The following PPP1R14C variants were observed in gnomAD, a reference collection of about 807,000 sequenced individuals.
PPP1R14C encodes protein phosphatase 1 regulatory inhibitor subunit 14C, also known as protein phosphatase 1 regulatory subunit 14C.
In PPP1R14C, 16 loss-of-function variants were observed where a neutral mutation model predicts 20.4. That is an observed-to-expected ratio of 0.78 (90% CI 0.53 to 1.19). PPP1R14C has a LOEUF of 1.19. Ranked by LOEUF, PPP1R14C falls within the 50% of genes most tolerant of loss-of-function variation. The pLI is 0.00. For synonymous variants in PPP1R14C, 91 were observed against 91.0 expected, an observed-to-expected ratio of 1.00 and a Z score of 0.00; for missense variants, 211 against 220.1, an observed-to-expected ratio of 0.96 and a Z score of 0.26.
chr6:150,243,523 AT>A (rs1778457295), intron 3 of PPP1R14C, among the ~76,000 whole-genome samples: 1 of 152,176 alleles, frequency 6.6e-6, no homozygotes, highest in Non-Finnish European at 1.5e-5. Flanking sequence ...AGCCAAAACA[AT>A]TTTGAGAAAG....
intron 1 of PPP1R14C, among the ~76,000 whole-genome samples, chr6:150,177,615 A>G (rs574402446): frequency 1.3e-5 from 2 of 152,124 alleles, no homozygotes; most frequent in Admixed American, 1.3e-4. Flanking sequence ...TTCAACATAC[A>G]CATATCTGTG....
At chr6:150,196,488 G>A (rs929386013) in intron 1 of PPP1R14C, among the ~76,000 whole-genome samples, 1 of 151,276 alleles carries the variant, frequency 6.6e-6, no homozygotes, top group African/African-American at 2.4e-5. Context: ...GTTGTTTTGA[G>A]TATGTTCTCC....
chr6:150,172,949 A>G (rs1777515588), intron 1 of PPP1R14C, among the ~76,000 whole-genome samples: 1 of 152,078 alleles, frequency 6.6e-6, no homozygotes, highest in African/African-American at 2.4e-5. Flanking sequence ...TCAACTCCCC[A>G]TCCACCTCCA....
At chr6:150,145,621 G>A (rs1777172342) in intron 1 of PPP1R14C, among the ~76,000 whole-genome samples, 1 of 152,174 alleles carries the variant, frequency 6.6e-6, no homozygotes, top group South Asian at 2.1e-4. Flanking sequence ...CTCTTGTTGA[G>A]TAACCTTTCT....
chr6:150,214,320 T>A (rs1480453920), intron 1 of PPP1R14C, among the ~76,000 whole-genome samples: 1 of 152,214 alleles, frequency 6.6e-6, no homozygotes, highest in African/African-American at 2.4e-5. Flanking sequence ...GGCTCTATCA[T>A]CTGCCAGTCT....
intron 3 of PPP1R14C, among the ~76,000 whole-genome samples, chr6:150,233,914 C>T (rs1001184787): frequency 6.6e-6 from 1 of 152,170 alleles, no homozygotes; most frequent in Non-Finnish European, 1.5e-5. Flanking sequence ...CACACCTGCA[C>T]CCACATTCAC....
intron 1 of PPP1R14C, among the ~76,000 whole-genome samples, chr6:150,164,923 A>C (rs954396637): frequency 1.3e-5 from 2 of 152,204 alleles, no homozygotes; most frequent in African/African-American, 4.8e-5. Flanking sequence ...AAAAGACACA[A>C]GAGAGCTCTC....
chr6:150,157,444 G>C (rs973456411), intron 1 of PPP1R14C, among the ~76,000 whole-genome samples: 3 of 151,230 alleles, frequency 2.0e-5, no homozygotes, highest in Non-Finnish European at 4.4e-5. Flanking sequence ...TCATTTCAGA[G>C]ATGCCTACTG....
intron 1 of PPP1R14C, among the ~76,000 whole-genome samples, chr6:150,175,367 T>C (rs1185419624): frequency 6.6e-6 from 1 of 152,220 alleles, no homozygotes; most frequent in Non-Finnish European, 1.5e-5. Flanking sequence ...AGGTCACACA[T>C]GGACCCAGTG....
At chr6:150,220,848 T>C (rs1338284730) in intron 3 of PPP1R14C, among the ~76,000 whole-genome samples, 1 of 152,164 alleles carries the variant, frequency 6.6e-6, no homozygotes, top group East Asian at 1.9e-4. Flanking sequence ...TCAATGAAAA[T>C]GGTGGGTCTT....
At chr6:150,173,086 C>T (rs1474470991) in intron 1 of PPP1R14C, among the ~76,000 whole-genome samples, 1 of 152,086 alleles carries the variant, frequency 6.6e-6, no homozygotes, top group East Asian at 1.9e-4. Context: ...CAGAGTTTTC[C>T]CCATGTACCC....
At chr6:150,205,746 A>G (rs1201437156) in intron 1 of PPP1R14C, among the ~76,000 whole-genome samples, 4 of 151,098 alleles carry the variant, frequency 2.6e-5, no homozygotes, top group African/African-American at 7.3e-5. Context: ...GAGCCGAGAT[A>G]GCACCACTAC....
chr6:150,214,440 C>T (rs1248454327), intron 1 of PPP1R14C, among the ~76,000 whole-genome samples: 7 of 151,996 alleles, frequency 4.6e-5, no homozygotes, highest in Admixed American at 3.3e-4. Flanking sequence ...TGCTCCCCCT[C>T]CTCCTTCTCT....
intron 1 of PPP1R14C, among the ~76,000 whole-genome samples, chr6:150,158,486 A>G (rs1777329353): frequency 6.6e-6 from 1 of 152,246 alleles, no homozygotes; most frequent in South Asian, 2.1e-4. Context: ...TGGGAGCTCT[A>G]TCACATTTGA....
chr6:150,219,790 A>G (rs769534110), intron 3 of PPP1R14C, among the ~76,000 whole-genome samples: 3 of 152,084 alleles, frequency 2.0e-5, no homozygotes, highest in Non-Finnish European at 4.4e-5. Flanking sequence ...GATTTTTGGT[A>G]GCATAGTCAC....
chr6:150,218,885 C>G (rs959026523), intron 3 of PPP1R14C, among the ~76,000 whole-genome samples: 1 of 152,186 alleles, frequency 6.6e-6, no homozygotes, highest in African/African-American at 2.4e-5. Flanking sequence ...CTCCTGGCCT[C>G]AAGCTATCCT....
Position 150,248,914 on chromosome 6 carries a change from G to C in PPP1R14C, c.*94G>C. 1 of 677,252 alleles carries C rather than the reference G, an allele frequency of 1.5e-6. No individual in the cohort carries two copies. The highest frequency in any genetic ancestry group is 2.6e-5 in the South Asian group (1 of 38,654). The allele number at this position is 677,252 out of a possible 1,614,324, so 42.0% of individuals were successfully genotyped here. A position where few individuals can be genotyped will look rare whatever the true frequency, so the allele number is the denominator to read the frequency against. On this transcript the variant is annotated 3_prime_UTR_variant, in exon 4 of 4. Coordinates refer to ENST00000361131, the MANE Select transcript of PPP1R14C (RefSeq NM_030949.3). ...TTTGTGAAAGAATAGGTGTCCTTATGAACAACGTTTTTGTTTTTTTTTTTT... is the reference window on the plus strand; with the variant it reads ...TTTGTGAAAGAATAGGTGTCCTTATCAACAACGTTTTTGTTTTTTTTTTTT...
intron 1 of PPP1R14C, among the ~76,000 whole-genome samples, chr6:150,200,470 A>G (rs1777863562): frequency 6.6e-6 from 1 of 152,018 alleles, no homozygotes; most frequent in Non-Finnish European, 1.5e-5. Flanking sequence ...TCCTCACCCT[A>G]AGGTGAACCA....
At chr6:150,155,219 T>C (rs1777292979) in intron 1 of PPP1R14C, among the ~76,000 whole-genome samples, 1 of 152,092 alleles carries the variant, frequency 6.6e-6, no homozygotes, top group Non-Finnish European at 1.5e-5. Context: ...TGTTGGGGAG[T>C]TTATTCCTGG....
Sources: gnomAD v4.1 joint callset for allele counts (sites outside exome capture counted in the v4.1 genomes callset) on GRCh38, gnomAD v4.1.1 for gene constraint, MANE v1.5 for transcripts, NCBI Gene and HGNC (gene_info 2026-07-23, HGNC 2026-07-21) for gene names.